KIRREL3: variants seen among roughly 807,000 people sequenced by gnomAD.
KIRREL3 encodes kirre like nephrin family adhesion molecule 3.
Under a neutral mutation model 89.7 loss-of-function variants are expected in KIRREL3, and 36 were observed. The observed-to-expected ratio is 0.40, with a 90% CI of 0.31 to 0.53. The LOEUF (loss-of-function observed/expected upper bound fraction) is 0.53, where lower values mean the gene tolerates loss of function less well. Ranked by LOEUF, KIRREL3 falls within the 20% of genes least tolerant of loss-of-function variation. KIRREL3 has a pLI of 0.49. For missense variants in KIRREL3, 864 were observed against 1,056.6 expected, an observed-to-expected ratio of 0.82 and a Z score of 2.53; for synonymous variants, 445 against 441.4, an observed-to-expected ratio of 1.01 and a Z score of -0.10.
rs908431033 is a variant in KIRREL3, at chr11:126,575,445, T to C, written c.56-12533A>G. ...AGGACTGGAGATAATGTATGTACAA[T>C]ACTGGGAGGGAAGGGTAAAGAGAGT... On this transcript the variant is annotated intron_variant, in intron 1 of 16. Transcript: ENST00000525144. This position sits in a 1 kb window ranked among gnomAD's most constrained non-coding sequence, Gnocchi z 7.0. Among the ~76,000 whole-genome samples, 18 of 152,140 alleles carry C rather than the reference T, an allele frequency of 1.2e-4. No homozygotes were observed. The highest frequency in any genetic ancestry group is 1.2e-3 in the Admixed American group (18 of 15,280).
rs751797706 is a variant in KIRREL3 at position 126,587,537 on chromosome 11, C to T, written c.56-24625G>A. ...AGTCTTCACTGTGCTCTCGACTCCC[C>T]CAGCCTTTCATTGTATGTGGAAGAG... On this transcript the variant is annotated intron_variant, in intron 1 of 16. Transcript: ENST00000525144. This position sits in a 1 kb window ranked among gnomAD's most constrained non-coding sequence, Gnocchi z 5.2. Among the ~76,000 whole-genome samples the T allele has an allele frequency of 6.6e-6, 1 of 152,194 alleles. No homozygotes were observed. Among genetic ancestry groups the T allele is most frequent in the Non-Finnish European group, 1.5e-5 (1 of 68,042 alleles).
At chr11:126,657,941 A>G (rs1801498784) in intron 1 of KIRREL3, among the ~76,000 whole-genome samples, 1 of 152,172 alleles carries the variant, frequency 6.6e-6, no homozygotes, top group Non-Finnish European at 1.5e-5. Flanking sequence ...GCAATTCATG[A>G]CCAGTCCACA....
At position 126,948,954 on chromosome 11, in the gene KIRREL3, G is replaced by C. The variant is rs1471892676; in HGVS notation, c.55+51501C>G. Among the ~76,000 whole-genome samples the C allele has an allele frequency of 3.3e-5, 5 of 152,186 alleles. No individual in the cohort carries two copies. Among genetic ancestry groups the C allele is most frequent in the African/African-American group, 1.2e-4 (5 of 41,450 alleles). On this transcript the variant is annotated intron_variant, in intron 1 of 16. Transcript: ENST00000525144. The surrounding 1 kb of genome is among the most constrained non-coding windows in gnomAD (Gnocchi z 4.5). Reference sequence around the variant, plus strand: ...GAGAAGAATGCCTGAAAGAAAACATGCACTGCTCCAGGAAAAGCACCAGGC... The same window carrying C: ...GAGAAGAATGCCTGAAAGAAAACATCCACTGCTCCAGGAAAAGCACCAGGC...
In KIRREL3 at chr11:126,656,329, T is replaced by A. The variant is rs1016931972; in HGVS notation, c.56-93417A>T. On this transcript the variant is annotated intron_variant, in intron 1 of 16. Coordinates refer to ENST00000525144, the MANE Select transcript of KIRREL3 (RefSeq NM_032531.4). The surrounding 1 kb of genome is among the most constrained non-coding windows in gnomAD (Gnocchi z 4.0). ...TTGCAAAATAATTTAAATAAGATAA[T>A]ATGTTGAAAACTCTTAGCACCCAAT... Among the ~76,000 whole-genome samples the A allele has an allele frequency of 6.6e-5, 10 of 152,354 alleles. No homozygotes were observed. The highest frequency in any genetic ancestry group is 2.4e-4 in the African/African-American group (10 of 41,574).
At chr11:126,889,231 C>T (rs1380030261) in intron 1 of KIRREL3, among the ~76,000 whole-genome samples, 2 of 149,136 alleles carry the variant, frequency 1.3e-5, no homozygotes, top group East Asian at 2.0e-4. Flanking sequence ...TCTTTATTCT[C>T]CCCCTGCCCC....
Position 126,432,981 on chromosome 11 carries a change from C to G in KIRREL3, c.1589-1455G>C, listed in dbSNP as rs924270635. On this transcript the variant is annotated intron_variant, in intron 13 of 16. Coordinates refer to ENST00000525144, the MANE Select transcript of KIRREL3 (RefSeq NM_032531.4). This position sits in a 1 kb window ranked among gnomAD's most constrained non-coding sequence, Gnocchi z 6.2. ...GCAACCTCCGCCTCCTGGGTTCAAG[C>G]GATTCTCCTGCCTCAGTCTCCCGAA... 2.6e-5 allele frequency among the ~76,000 whole-genome samples: 4 copies of G among 152,190 alleles called. No homozygotes were observed. Among genetic ancestry groups the G allele is most frequent in the Admixed American group, 2.6e-4 (4 of 15,290 alleles).
chr11:126,588,925 C>T (rs2134697528), intron 1 of KIRREL3, among the ~76,000 whole-genome samples: 2 of 152,258 alleles, frequency 1.3e-5, no homozygotes, highest in South Asian at 4.1e-4. Context: ...GGGCATCAGT[C>T]ACTCCAGCAG....
intron 2 of KIRREL3, among the ~76,000 whole-genome samples, chr11:126,542,818 G>A (rs1938472905): frequency 1.3e-5 from 2 of 152,198 alleles, no homozygotes; most frequent in Non-Finnish European, 2.9e-5. Context: ...CAGGAATGGG[G>A]ACAATTTGCC....
chr11:126,831,297 C>T (rs1354170022), intron 1 of KIRREL3, among the ~76,000 whole-genome samples: 1 of 152,118 alleles, frequency 6.6e-6, no homozygotes. Context: ...CGGTGATGGC[C>T]AGAGAAATGT....
rs1487819995 is a variant in KIRREL3 at position 126,981,214 on chromosome 11, C to T, written c.55+19241G>A. On this transcript the variant is annotated intron_variant, in intron 1 of 16. Transcript: ENST00000525144. The surrounding 1 kb of genome is among the most constrained non-coding windows in gnomAD (Gnocchi z 4.2). ...AAGAAGGAAAGCATGGCCCGTTGGA[C>T]CACAGCAAGACCTTCTTATTTTTGC... is the stretch of plus-strand genomic sequence containing the variant. Among the ~76,000 whole-genome samples, 1 of 152,196 alleles carries T rather than the reference C, an allele frequency of 6.6e-6. No individual in the cohort carries two copies. Among genetic ancestry groups the T allele is most frequent in the Non-Finnish European group, 1.5e-5 (1 of 68,034 alleles).
chr11:126,798,146 C>T (rs1565739996), intron 1 of KIRREL3, among the ~76,000 whole-genome samples: 1 of 151,166 alleles, frequency 6.6e-6, no homozygotes, highest in Non-Finnish European at 1.5e-5. Flanking sequence ...ATCTGTGCAA[C>T]CCCCTTCTGC....
intron 1 of KIRREL3, among the ~76,000 whole-genome samples, chr11:126,617,026 A>G (rs954534812): frequency 3.3e-5 from 5 of 152,224 alleles, no homozygotes; most frequent in Non-Finnish European, 5.9e-5. Context: ...ATTTTACCAC[A>G]TCATGTGATC....
Position 126,640,914 on chromosome 11 carries a change from A to T in KIRREL3, c.56-78002T>A, listed in dbSNP as rs1351466254. ...GGCTTTAAACACCGACTCTACTCTG[A>T]TGTCTCTCAATTTTGTATCCACAGC... On this transcript the variant is annotated intron_variant, in intron 1 of 16. Coordinates refer to ENST00000525144, the MANE Select transcript of KIRREL3 (RefSeq NM_032531.4). The surrounding 1 kb of genome is among the most constrained non-coding windows in gnomAD (Gnocchi z 4.9). Among the ~76,000 whole-genome samples the T allele has an allele frequency of 6.6e-6, 1 of 151,906 alleles. No individual in the cohort carries two copies. The highest frequency in any genetic ancestry group is 1.5e-5 in the Non-Finnish European group (1 of 67,968).
rs1005270432 is a variant in KIRREL3, at chr11:126,890,636, C to A, written c.55+109819G>T. 6.6e-6 allele frequency among the ~76,000 whole-genome samples: 1 copy of A among 152,208 alleles called. No individual in the cohort carries two copies. The highest frequency in any genetic ancestry group is 2.4e-5 in the African/African-American group (1 of 41,452). On this transcript the variant is annotated intron_variant, in intron 1 of 16. Coordinates refer to ENST00000525144, the MANE Select transcript of KIRREL3 (RefSeq NM_032531.4). The surrounding 1 kb of genome is among the most constrained non-coding windows in gnomAD (Gnocchi z 5.1). ...ACATCCTGGCAAAAGGAGTTCATTTCGATGGCCAAGCAGCTTCTATCAGCT... is the reference window on the plus strand; with the variant it reads ...ACATCCTGGCAAAAGGAGTTCATTTAGATGGCCAAGCAGCTTCTATCAGCT...
At chr11:126,630,122 C>T (rs764634458) in intron 1 of KIRREL3, among the ~76,000 whole-genome samples, 27 of 152,162 alleles carry the variant, frequency 1.8e-4, no homozygotes, top group Non-Finnish European at 8.8e-5. Context: ...GGGTGATAAA[C>T]GTCCCTACTT....
chr11:126,735,284 C>A (rs59101746), intron 1 of KIRREL3, among the ~76,000 whole-genome samples: 2,145 of 152,244 alleles, frequency 0.014, 47 homozygotes, highest in African/African-American at 0.045. Flanking sequence ...CGTGAATCCA[C>A]GTTTGACGAG....
At chr11:126,539,928 G>A (rs187681101) in intron 2 of KIRREL3, among the ~76,000 whole-genome samples, 2 of 152,292 alleles carry the variant, frequency 1.3e-5, no homozygotes, top group Admixed American at 1.3e-4. Context: ...TATCTAAGAG[G>A]GACAAGGTTA....
At chr11:126,926,404 C>T (rs1424610768) in intron 1 of KIRREL3, among the ~76,000 whole-genome samples, 1 of 152,236 alleles carries the variant, frequency 6.6e-6, no homozygotes, top group Non-Finnish European at 1.5e-5. Flanking sequence ...TTGAATATTT[C>T]CCTGTCATAT....
chr11:126,456,850 G>T (rs1247955569), intron 6 of KIRREL3, among the ~76,000 whole-genome samples: 1 of 152,200 alleles, frequency 6.6e-6, no homozygotes, highest in Non-Finnish European at 1.5e-5. Context: ...TGAAATGTCT[G>T]TTTATTATCT....
Sources: gnomAD v4.1 joint callset for allele counts (sites outside exome capture counted in the v4.1 genomes callset) on GRCh38, gnomAD v4.1.1 for gene constraint, Gnocchi (gnomAD v3.1) non-coding constraint, MANE v1.5 for transcripts, NCBI Gene and HGNC (gene_info 2026-07-23, HGNC 2026-07-21) for gene names.